The following SORBS2 variants were observed in gnomAD, a reference collection of about 807,000 sequenced individuals.
SORBS2 encodes sorbin and SH3 domain-containing protein 2.
Under a neutral mutation model 97.7 loss-of-function variants are expected in SORBS2, and 46 were observed. The ratio of observed to expected loss-of-function variants is 0.47; its 90% CI spans 0.37 to 0.60. The LOEUF (loss-of-function observed/expected upper bound fraction) is 0.60. Ranked by LOEUF, SORBS2 falls within the 20% of genes least tolerant of loss-of-function variation. SORBS2 has a pLI of 0.00. For missense variants in SORBS2, 1,316 were observed against 1,282.3 expected, an observed-to-expected ratio of 1.03 and a Z score of -0.40; for synonymous variants, 476 against 473.4, an observed-to-expected ratio of 1.01 and a Z score of -0.07.
At chr4:185,912,757 T>G (rs530137549) in intron 1 of SORBS2, among the ~76,000 whole-genome samples, 16 of 152,268 alleles carry the variant, frequency 1.1e-4, no homozygotes, top group Admixed American at 3.9e-4. Context: ...TAAAGAAAAG[T>G]AAACTTACAT....
intron 1 of SORBS2, among the ~76,000 whole-genome samples, chr4:185,820,959 C>A (rs1182249203): frequency 6.6e-6 from 1 of 152,160 alleles, no homozygotes; most frequent in Non-Finnish European, 1.5e-5. Context: ...TCTATCTGCC[C>A]CTTAAGGCCA....
chr4:185,780,811 G>T (rs903270873), intron 1 of SORBS2, among the ~76,000 whole-genome samples: 1 of 152,104 alleles, frequency 6.6e-6, no homozygotes, highest in Non-Finnish European at 1.5e-5. Flanking sequence ...TATCAAGTGA[G>T]GTGAAAATCT....
At chr4:185,770,975 C>CTTTTTTTTTTT (rs747070975) in intron 2 of SORBS2, 27 of 72,744 alleles carry the variant, frequency 3.7e-4, no homozygotes, top group Admixed American at 1.1e-3. Flanking sequence ...TCATCGTTTC[C>CTTTTTTTTTTT]TTTTTTTTTT....
intron 1 of SORBS2, among the ~76,000 whole-genome samples, chr4:185,943,590 A>G (rs545662355): frequency 6.6e-6 from 1 of 152,374 alleles, no homozygotes; most frequent in African/African-American, 2.4e-5. Context: ...TTCTCTTCAC[A>G]AAGTCAATGT....
intron 1 of SORBS2, among the ~76,000 whole-genome samples, chr4:185,915,961 A>C (rs1405993510): frequency 2.6e-5 from 4 of 152,214 alleles, no homozygotes; most frequent in African/African-American, 9.6e-5. Context: ...CTGGAGGAAG[A>C]AGCAGCATAA....
At chr4:185,669,503 G>C (rs990751557) in intron 4 of SORBS2, among the ~76,000 whole-genome samples, 10 of 152,204 alleles carry the variant, frequency 6.6e-5, no homozygotes, top group African/African-American at 1.4e-4. Context: ...TGTGGAAGCT[G>C]GAGGTGGAAG....
chr4:185,860,039 G>A (rs909609408), intron 1 of SORBS2, among the ~76,000 whole-genome samples: 2 of 152,160 alleles, frequency 1.3e-5, no homozygotes. Flanking sequence ...GTTGCTTAAA[G>A]GTGGTCCATA....
chr4:185,665,023 G>A (rs935861825), intron 4 of SORBS2, among the ~76,000 whole-genome samples: 3 of 151,996 alleles, frequency 2.0e-5, no homozygotes, highest in Non-Finnish European at 2.9e-5. Context: ...TTATCACATA[G>A]ATATATTTAA....
At chr4:185,831,145 A>G (rs2099204904) in intron 1 of SORBS2, among the ~76,000 whole-genome samples, 1 of 152,220 alleles carries the variant, frequency 6.6e-6, no homozygotes, top group Admixed American at 6.5e-5. Flanking sequence ...AAATGGACCC[A>G]ACATGGTCAT....
intron 1 of SORBS2, among the ~76,000 whole-genome samples, chr4:185,829,778 A>G (rs901118165): frequency 6.6e-6 from 1 of 152,206 alleles, no homozygotes; most frequent in African/African-American, 2.4e-5. Flanking sequence ...TAATGTCACA[A>G]TATATTTTTT....
At chr4:185,859,109 G>A (rs1022968211) in intron 1 of SORBS2, among the ~76,000 whole-genome samples, 1 of 152,138 alleles carries the variant, frequency 6.6e-6, no homozygotes, top group Non-Finnish European at 1.5e-5. Flanking sequence ...CAACATACTT[G>A]GCTTGTTGGA....
At chr4:185,775,495 G>A (rs1362909471) in intron 1 of SORBS2, 129 bp from the exon 2 acceptor site, 2 of 152,068 alleles carry the variant, frequency 1.3e-5, no homozygotes, top group African/African-American at 4.8e-5. Context: ...GTCTGCAAAG[G>A]GATGAAAATG....
At chr4:185,893,714 G>A (rs2099243611) in intron 1 of SORBS2, among the ~76,000 whole-genome samples, 1 of 152,172 alleles carries the variant, frequency 6.6e-6, no homozygotes, top group African/African-American at 2.4e-5. Flanking sequence ...TCCAGGCGAT[G>A]GAAGGAACAG....
intron 2 of SORBS2, among the ~76,000 whole-genome samples, chr4:185,736,444 G>C: frequency 6.6e-6 from 1 of 152,202 alleles, no homozygotes; most frequent in East Asian, 1.9e-4. Flanking sequence ...GCATTCTGGA[G>C]GTTACTGGGC....
chr4:185,908,277 C>CTATATATA (rs66526913), intron 1 of SORBS2, among the ~76,000 whole-genome samples: 198 of 89,498 alleles, frequency 2.2e-3, no homozygotes, highest in East Asian at 3.0e-3. Flanking sequence ...CATGCAAAGG[C>CTATATATA]TATATATATA....
intron 2 of SORBS2, among the ~76,000 whole-genome samples, chr4:185,765,132 T>C (rs2098926797): frequency 6.6e-6 from 1 of 152,120 alleles, no homozygotes; most frequent in East Asian, 1.9e-4. Context: ...GGTGGTGAAA[T>C]GCCTTCAATA....
chr4:185,757,618 C>T (rs1489087172), intron 2 of SORBS2, among the ~76,000 whole-genome samples: 1 of 151,480 alleles, frequency 6.6e-6, no homozygotes, highest in East Asian at 1.9e-4. Context: ...TATTCCATGT[C>T]CTGGGAAATT....
rs80093240 is a variant in SORBS2, at chr4:185,672,661, G to A, written c.-46+5762C>T. 5.1e-3 allele frequency among the ~76,000 whole-genome samples: 775 copies of A among 152,312 alleles called. 7 individuals are homozygous for A. Among genetic ancestry groups the A allele is most frequent in the African/African-American group, 0.018 (742 of 41,566 alleles). ...TGTAGTTTTCTTCTTAAATTAATGA[G>A]CAGACATTAATAATAACAAAACTAT... On this transcript the variant is annotated intron_variant, in intron 4 of 20. Coordinates refer to the SORBS2 transcript ENST00000284776.
intron 1 of SORBS2, among the ~76,000 whole-genome samples, chr4:185,938,383 GACACAT>G (rs1203799246): frequency 7.4e-4 from 68 of 91,414 alleles, no homozygotes; most frequent in African/African-American, 2.8e-3. Context: ...GAAAAATGTA[GACACAT>G]ACACACACAC....
Sources: allele counts gnomAD v4.1 joint callset (sites outside exome capture counted in the v4.1 genomes callset), GRCh38; gene constraint gnomAD v4.1.1; transcripts MANE v1.5; gene names NCBI Gene and HGNC (gene_info 2026-07-23, HGNC 2026-07-21).